Variants in GLIS3 observed in about 807,000 individuals in gnomAD.
GLIS3 encodes the protein zinc finger protein GLIS3.
A neutral mutation model predicts 78.6 loss-of-function variants in GLIS3; 53 were observed. That is an observed-to-expected ratio of 0.67 (90% CI 0.54 to 0.85). The LOEUF (loss-of-function observed/expected upper bound fraction) is 0.85. GLIS3 is among the 40% of genes least tolerant of loss of function. GLIS3 has a pLI of 0.00. For missense variants in GLIS3, 1,703 were observed against 1,231.1 expected (o/e 1.38, Z -5.74); for synonymous variants, 684 against 509.9 (o/e 1.34, Z -4.60).
intron 6 of GLIS3, among the ~76,000 whole-genome samples, chr9:3,902,166 T>G (rs1823353870): frequency 1.3e-5 from 2 of 152,212 alleles, no homozygotes; most frequent in African/African-American, 4.8e-5. Flanking sequence ...TGGTGAGAGT[T>G]AATTTGGTTT....
At chr9:4,395,267 A>C in the GLIS3 span, among the ~76,000 whole-genome samples, 16 of 152,180 alleles carry the variant, frequency 1.1e-4, no homozygotes, top group Non-Finnish European at 1.9e-4. Context: ...AAATGTATTC[A>C]TTGACTCATA....
intron 8 of GLIS3, among the ~76,000 whole-genome samples, chr9:3,873,999 C>T (rs1231426417): frequency 6.6e-6 from 1 of 152,074 alleles, no homozygotes; most frequent in Non-Finnish European, 1.5e-5. Context: ...TATATTTGGT[C>T]TTCCTCCCCA....
intron 7 of GLIS3, among the ~76,000 whole-genome samples, chr9:3,882,540 G>C (rs369221015): frequency 2.6e-5 from 4 of 152,104 alleles, no homozygotes; most frequent in African/African-American, 9.7e-5. Context: ...TGCTAGGTGG[G>C]GCACACGAGG....
chr9:4,140,046 C>T lies in GLIS3; in HGVS notation c.389-14105G>A, dbSNP rs770399207. ...CAATTCTTCATATTAGATATAACTTCTTAGCCTGTAAAAGGCATATCTTAC... is the reference window on the plus strand; with the variant it reads ...CAATTCTTCATATTAGATATAACTTTTTAGCCTGTAAAAGGCATATCTTAC... On this transcript the variant is annotated intron_variant, in intron 2 of 10. Transcript: ENST00000381971. Among the ~76,000 whole-genome samples the T allele has an allele frequency of 9.1e-4, 138 of 152,194 alleles. 3 individuals carry two copies. The highest frequency in any genetic ancestry group is 2.9e-4 in the Non-Finnish European group (20 of 68,040).
chr9:4,229,940 A>C (rs905854186), intron 2 of GLIS3, among the ~76,000 whole-genome samples: 3 of 152,246 alleles, frequency 2.0e-5, no homozygotes, highest in Non-Finnish European at 4.4e-5. Context: ...TTTATTCTGA[A>C]CATTGCCCAA....
the GLIS3 span, among the ~76,000 whole-genome samples, chr9:4,382,909 A>G: frequency 6.6e-6 from 1 of 152,164 alleles, no homozygotes; most frequent in Admixed American, 6.5e-5. Context: ...CCTAATTAAT[A>G]TTTCTGGCCC....
At chr9:4,135,343 G>A (rs1409287977) in intron 2 of GLIS3, among the ~76,000 whole-genome samples, 1 of 152,036 alleles carries the variant, frequency 6.6e-6, no homozygotes, top group Non-Finnish European at 1.5e-5. Flanking sequence ...TTCCCTTAAG[G>A]TAATGAACTC....
chr9:4,397,775 G>A, the GLIS3 span, among the ~76,000 whole-genome samples: 2 of 148,004 alleles, frequency 1.4e-5, no homozygotes, highest in African/African-American at 5.2e-5. Context: ...GGAAAGGAGA[G>A]GAGGGGAGGG....
chr9:3,951,439 C>G (rs180800983), intron 4 of GLIS3, among the ~76,000 whole-genome samples: 1 of 149,570 alleles, frequency 6.7e-6, no homozygotes, highest in Non-Finnish European at 1.5e-5. Flanking sequence ...CAGCCAAGAA[C>G]AAAATGAAAG....
At chr9:4,159,127 TTTAGACTATAAGCTCC>T (rs1189950195) in intron 2 of GLIS3, among the ~76,000 whole-genome samples, 9 of 151,758 alleles carry the variant, frequency 5.9e-5, no homozygotes, top group Non-Finnish European at 8.8e-5. Context: ...CAGTCTCAAC[TTTAGACTATAAGCTCC>T]TTGAGAACAG....
At chr9:4,248,293 G>A (rs970439385) in intron 2 of GLIS3, among the ~76,000 whole-genome samples, 19 of 151,848 alleles carry the variant, frequency 1.3e-4, no homozygotes, top group African/African-American at 4.6e-4. Flanking sequence ...ATGTTTCCCT[G>A]TGTTCTCATT....
intron 2 of GLIS3, among the ~76,000 whole-genome samples, chr9:4,247,132 T>C (rs1035026688): frequency 2.0e-5 from 3 of 152,194 alleles, no homozygotes; most frequent in Non-Finnish European, 2.9e-5. Flanking sequence ...AAAAGCGCGA[T>C]AAAAGCAGAC....
chr9:4,255,074 A>T (rs1824789856), intron 2 of GLIS3, among the ~76,000 whole-genome samples: 1 of 152,236 alleles, frequency 6.6e-6, no homozygotes, highest in Non-Finnish European at 1.5e-5. Context: ...CAGACATTTC[A>T]CCAGATATAC....
chr9:4,237,454 G>A (rs187090521), intron 2 of GLIS3, among the ~76,000 whole-genome samples: 4 of 152,324 alleles, frequency 2.6e-5, no homozygotes, highest in African/African-American at 9.6e-5. Flanking sequence ...AAAAGTAGTA[G>A]TTTTACATGA....
intron 4 of GLIS3, among the ~76,000 whole-genome samples, chr9:4,001,737 C>G (rs966045344): frequency 6.6e-6 from 1 of 152,170 alleles, no homozygotes; most frequent in Non-Finnish European, 1.5e-5. Flanking sequence ...GGAATACTTT[C>G]AATGATGCAT....
At chr9:4,069,295 A>C (rs1431043613) in intron 4 of GLIS3, among the ~76,000 whole-genome samples, 1 of 152,222 alleles carries the variant, frequency 6.6e-6, no homozygotes, top group African/African-American at 2.4e-5. Context: ...TTCTGGCCTG[A>C]AACTATTGGA....
At chr9:4,404,492 C>CA in the GLIS3 span, among the ~76,000 whole-genome samples, 1 of 152,000 alleles carries the variant, frequency 6.6e-6, no homozygotes, top group Non-Finnish European at 1.5e-5. Context: ...TTAAAGCATT[C>CA]AAAAAAATTA....
intron 6 of GLIS3, among the ~76,000 whole-genome samples, chr9:3,930,776 A>G (rs1825562004): frequency 6.6e-6 from 1 of 152,226 alleles, no homozygotes; most frequent in Non-Finnish European, 1.5e-5. Flanking sequence ...ACACATTTGC[A>G]CAACTTGGAG....
chr9:4,122,373 T>G (rs1832256842), intron 3 of GLIS3, among the ~76,000 whole-genome samples: 1 of 152,196 alleles, frequency 6.6e-6, no homozygotes, highest in Non-Finnish European at 1.5e-5. Context: ...ATTAGTACTG[T>G]ATCTAAAGAC....
Sources: gnomAD v4.1 joint callset for allele counts (sites outside exome capture counted in the v4.1 genomes callset) on GRCh38, gnomAD v4.1.1 for gene constraint, MANE v1.5 for transcripts, NCBI Gene and HGNC (gene_info 2026-07-23, HGNC 2026-07-21) for gene names.